The following ADCY3 variants were observed in gnomAD, a reference collection of about 807,000 sequenced individuals.
ADCY3 encodes adenylate cyclase type 3.
Under a neutral mutation model 119.4 loss-of-function variants are expected in ADCY3, and 70 were observed. The observed-to-expected ratio is 0.59, with a 90% CI of 0.48 to 0.72. The LOEUF (loss-of-function observed/expected upper bound fraction) is 0.72, where lower values mean the gene tolerates loss of function less well. Ranked by LOEUF, ADCY3 falls within the 30% of genes least tolerant of loss-of-function variation. The pLI, the probability that ADCY3 is intolerant of heterozygous loss-of-function variation, is 0.00. For synonymous variants in ADCY3, 672 were observed against 621.4 expected (o/e 1.08, Z -1.21); for missense variants, 1,238 against 1,541.6 (o/e 0.80, Z 3.30).
intron 2 of ADCY3, among the ~76,000 whole-genome samples, chr2:24,881,617 C>T (rs1474926762): frequency 6.6e-6 from 1 of 152,228 alleles, no homozygotes; most frequent in African/African-American, 2.4e-5. Context: ...ACATTTGTAG[C>T]CCCAGGGCCT....
chr2:24,857,991 A>AT (rs56672595), intron 3 of ADCY3, among the ~76,000 whole-genome samples: 2,905 of 122,374 alleles, frequency 0.024, 52 homozygotes, highest in Middle Eastern at 0.072. Context: ...TGTGGTCTGA[A>AT]TTTTTTTTTT....
chr2:24,905,849 C>T (rs543603085), intron 2 of ADCY3, among the ~76,000 whole-genome samples: 1 of 152,274 alleles, frequency 6.6e-6, no homozygotes, highest in African/African-American at 2.4e-5. Flanking sequence ...TAACTTACCC[C>T]AGATCTCACA....
chr2:24,859,374 G>A (rs1673374493), intron 3 of ADCY3, among the ~76,000 whole-genome samples: 1 of 152,106 alleles, frequency 6.6e-6, no homozygotes, highest in African/African-American at 2.4e-5. Flanking sequence ...CCCCTGCCCC[G>A]ACCTCACTGT....
intron 20 of ADCY3, 171 bp downstream of exon 20, chr2:24,821,346 C>G: frequency 2.1e-6 from 2 of 956,682 alleles, no homozygotes; most frequent in Non-Finnish European, 3.1e-6. Context: ...GTTTAGTCAT[C>G]TAGAGTCGTC....
At chr2:24,836,079 T>C (rs1296091809) in intron 9 of ADCY3, among the ~76,000 whole-genome samples, 4 of 152,178 alleles carry the variant, frequency 2.6e-5, no homozygotes, top group Admixed American at 6.5e-5. Flanking sequence ...AGCGGGAACC[T>C]GTTCCTGAAG....
chr2:24,834,818 AG>A lies in ADCY3; in HGVS notation c.1780del (p.Leu594CysfsTer9). On this transcript the variant is annotated frameshift_variant, in exon 10 of 22. Coordinates refer to ENST00000679454, the MANE Select transcript of ADCY3 (RefSeq NM_004036.5). LOFTEE classifies it high-confidence loss of function. This position sits in a 1 kb window ranked among gnomAD's most constrained non-coding sequence, Gnocchi z 4.2. ...HELNQLLNEA[L>X]LERESAQVVK... is the part of the protein sequence containing the mutation. ...CACTTGGGCGGACTCTCGCTCAAGCAGGGCCTCGTTGAGCAGCTGGTTGAGC... is the reference window on the plus strand; with the variant it reads ...CACTTGGGCGGACTCTCGCTCAAGCAGGCCTCGTTGAGCAGCTGGTTGAGC... The A allele has an allele frequency of 6.2e-7, 1 of 1,613,840 alleles. No homozygotes were observed. Among genetic ancestry groups the A allele is most frequent in the Non-Finnish European group, 8.5e-7 (1 of 1,179,946 alleles).
intron 3 of ADCY3, among the ~76,000 whole-genome samples, chr2:24,852,839 G>A (rs919492756): frequency 2.6e-5 from 4 of 152,258 alleles, no homozygotes; most frequent in Non-Finnish European, 5.9e-5. Context: ...CCCATCCCCA[G>A]GACTTCAGGC....
rs574720030 is a variant in ADCY3, at chr2:24,899,812, T to C, written c.675+18501A>G. Among the ~76,000 whole-genome samples the C allele has an allele frequency of 7.9e-5, 12 of 152,300 alleles. 1 individual carries two copies. In the South Asian group the frequency reaches 2.3e-3, roughly 29 times the overall value. ...ATTCACAGAAAGATCTCTGGAAGTA[T>C]CCACACCAAACATTTGGCAATGGGT... On this transcript the variant is annotated intron_variant, in intron 2 of 21. Transcript: ENST00000679454. This position sits in a 1 kb window ranked among gnomAD's most constrained non-coding sequence, Gnocchi z 4.5.
rs4077677 is a variant in ADCY3 at position 24,899,929 on chromosome 2, G to A, written c.675+18384C>T. Among the ~76,000 whole-genome samples, 1 of 151,734 alleles carries A rather than the reference G, an allele frequency of 6.6e-6. No individual in the cohort carries two copies. Among genetic ancestry groups the A allele is most frequent in the African/African-American group, 2.4e-5 (1 of 41,340 alleles). ...GGTTGAATTATTTTCTTACAATAGT[G>A]CTTCATAATATAGAAGAAAACTGAT... On this transcript the variant is annotated intron_variant, in intron 2 of 21. Coordinates refer to ENST00000679454, the MANE Select transcript of ADCY3 (RefSeq NM_004036.5). This position sits in a 1 kb window ranked among gnomAD's most constrained non-coding sequence, Gnocchi z 4.5.
At chr2:24,829,025 T>TC (rs72538282) in intron 13 of ADCY3, among the ~76,000 whole-genome samples, 20,399 of 145,700 alleles carry the variant, frequency 0.14, 1,520 homozygotes, top group East Asian at 0.23. Context: ...TTTTTTTCTT[T>TC]TTTTTTTTTG....
intron 2 of ADCY3, among the ~76,000 whole-genome samples, chr2:24,895,404 T>C (rs1678137717): frequency 6.6e-6 from 1 of 152,132 alleles, no homozygotes; most frequent in Non-Finnish European, 1.5e-5. Context: ...TTCATTCTTA[T>C]TCCTTATATT....
chr2:24,834,809 C>T lies in ADCY3; in HGVS notation c.1790G>A (p.Arg597Gln). The change falls in exon 10 of 22, where the codon CGA becomes CAA. Residue 597 changes from arginine to glutamine, a missense_variant. Coordinates refer to ENST00000679454, the MANE Select transcript of ADCY3 (RefSeq NM_004036.5). This position sits in a 1 kb window ranked among gnomAD's most constrained non-coding sequence, Gnocchi z 4.2. ...NQLLNEALLE[R>Q]ESAQVVKKRN... is the part of the protein sequence containing the mutation. ...TGGCGCTTACACTTGGGCGGACTCTCGCTCAAGCAGGGCCTCGTTGAGCAG... is the reference window on the plus strand; with the variant it reads ...TGGCGCTTACACTTGGGCGGACTCTTGCTCAAGCAGGGCCTCGTTGAGCAG... The T allele has an allele frequency of 3.1e-6, 5 of 1,613,584 alleles. No homozygotes were observed. The highest frequency in any genetic ancestry group is 1.1e-5 in the South Asian group (1 of 91,066).
In ADCY3 at chr2:24,841,056, C is replaced by T. The variant is rs566939164; in HGVS notation, c.1196+203G>A. ...AGGCTGGGGGAGCCTCGCAGGTCCC[C>T]TGGGCTGTGAGGAAGGTAAGCCACA... On this transcript the variant is annotated intron_variant, in intron 6 of 21. Coordinates refer to ENST00000679454, the MANE Select transcript of ADCY3 (RefSeq NM_004036.5). The surrounding 1 kb of genome is among the most constrained non-coding windows in gnomAD (Gnocchi z 5.8). 1.3e-5 allele frequency among the ~76,000 whole-genome samples: 2 copies of T among 152,364 alleles called. No homozygotes were observed. The highest frequency in any genetic ancestry group is 4.1e-4 in the South Asian group (2 of 4,834).
In ADCY3 at chr2:24,831,758, G is replaced by C; in HGVS notation, c.1968-9C>G. ...CATAGTTTGTCATTAGCCTGTGACA[G>C]AGAGAAGACAATTGGGAGAGGCCAG... On this transcript the variant is annotated splice_polypyrimidine_tract_variant and intron_variant, in intron 11 of 21. Transcript: ENST00000679454. The C allele has an allele frequency of 6.5e-7, 1 of 1,543,192 alleles. No individual in the cohort carries two copies. Among genetic ancestry groups the C allele is most frequent in the South Asian group, 1.1e-5 (1 of 90,112 alleles).
intron 2 of ADCY3, among the ~76,000 whole-genome samples, chr2:24,881,032 C>G (rs1428414658): frequency 6.7e-6 from 1 of 150,366 alleles, no homozygotes; most frequent in Non-Finnish European, 1.5e-5. Flanking sequence ...AAAAAAAAGT[C>G]TCCTTCCTTC....
intron 3 of ADCY3, among the ~76,000 whole-genome samples, chr2:24,850,654 C>T (rs1387795217): frequency 6.6e-6 from 1 of 152,216 alleles, no homozygotes; most frequent in Non-Finnish European, 1.5e-5. Context: ...AATTTATCCC[C>T]CCAAATCCAA....
At position 24,826,123 on chromosome 2, in the gene ADCY3, C is replaced by G; in HGVS notation, c.2499G>C (p.Leu833=). The G allele has an allele frequency of 6.2e-7, 1 of 1,614,042 alleles. No homozygotes were observed. The highest frequency in any genetic ancestry group is 8.5e-7 in the Non-Finnish European group (1 of 1,179,956). Residue 833 remains leucine, a synonymous_variant, in exon 16 of 22, where the codon CTG becomes CTC. Transcript: ENST00000679454. ...TAGAGTACTTGGAAGGCACCAGGGG[C>G]AGCCTGCTGGGCAGAGCGTGTGCAA... ...FNPGLNGTDR[L]PLVPSKYSMT... is the part of the protein sequence containing the mutation.
At chr2:24,837,552 C>T (rs948500047) in intron 8 of ADCY3, among the ~76,000 whole-genome samples, 1 of 152,174 alleles carries the variant, frequency 6.6e-6, no homozygotes, top group African/African-American at 2.4e-5. Flanking sequence ...TAGGCAAAGC[C>T]TCAGCCATAG....
chr2:24,893,733 A>G (rs1677956485), intron 2 of ADCY3, among the ~76,000 whole-genome samples: 1 of 151,742 alleles, frequency 6.6e-6, no homozygotes, highest in Non-Finnish European at 1.5e-5. Flanking sequence ...TCAGCCTCAC[A>G]AACAGCTGGG....
Sources: allele counts gnomAD v4.1 joint callset (sites outside exome capture counted in the v4.1 genomes callset), GRCh38; gene constraint gnomAD v4.1.1; non-coding constraint Gnocchi (gnomAD v3.1); transcripts MANE v1.5; gene names NCBI Gene and HGNC (gene_info 2026-07-23, HGNC 2026-07-21).